DNAAF4: variants seen among roughly 807,000 people sequenced by gnomAD.
The protein encoded by DNAAF4 is dynein assembly factor 4, axonemal.
A neutral mutation model predicts 51.8 loss-of-function variants in DNAAF4; 43 were observed. The observed-to-expected ratio is 0.83, with a 90% CI of 0.65 to 1.07. The LOEUF (loss-of-function observed/expected upper bound fraction) is 1.07. Ranked by LOEUF, DNAAF4 falls within the 50% of genes least tolerant of loss-of-function variation. DNAAF4 has a pLI of 0.00. For synonymous variants in DNAAF4, 194 were observed against 165.6 expected (o/e 1.17, Z -1.32); for missense variants, 581 against 493.0 (o/e 1.18, Z -1.69).
rs2058702106 is a variant in DNAAF4, at chr15:55,502,009, C to T, written c.-255-3425G>A. On this transcript the variant is annotated intron_variant, in intron 1 of 9. Coordinates refer to ENST00000321149, the MANE Select transcript of DNAAF4 (RefSeq NM_130810.4). ...ATTGAGCCGAGATCATGCCACTGCA[C>T]TCCAGCCTAGGCAACAAGAGCAAGA... Among the ~76,000 whole-genome samples, 5 of 151,648 alleles carry T rather than the reference C, an allele frequency of 3.3e-5. No homozygotes were observed. In the South Asian group the frequency reaches 1.0e-3, roughly 32 times the overall value.
chr15:55,424,725 G>A (rs1033013942), intron 7 of DNAAF4, among the ~76,000 whole-genome samples: 1 of 152,054 alleles, frequency 6.6e-6, no homozygotes, highest in African/African-American at 2.4e-5. Flanking sequence ...ACCATGCCCA[G>A]CTAAGTTTTG....
At chr15:55,451,649 C>T (rs994646864) in intron 5 of DNAAF4, among the ~76,000 whole-genome samples, 2 of 151,172 alleles carry the variant, frequency 1.3e-5, no homozygotes, top group Admixed American at 6.6e-5. Flanking sequence ...GGGTTATTAC[C>T]GTCACCGAGG....
intron 3 of DNAAF4, among the ~76,000 whole-genome samples, chr15:55,493,623 T>C (rs574924371): frequency 1.3e-5 from 2 of 152,334 alleles, no homozygotes; most frequent in African/African-American, 4.8e-5. Context: ...AGTCTACGTG[T>C]ATAAACTGGA....
chr15:55,454,802 T>G (rs570862849), intron 5 of DNAAF4, among the ~76,000 whole-genome samples: 1 of 152,164 alleles, frequency 6.6e-6, no homozygotes, highest in Non-Finnish European at 1.5e-5. Flanking sequence ...AATATAAAAT[T>G]GAACTTATAC....
intron 4 of DNAAF4, among the ~76,000 whole-genome samples, chr15:55,480,848 G>A (rs960096368): frequency 6.6e-6 from 1 of 152,134 alleles, no homozygotes; most frequent in Non-Finnish European, 1.5e-5. Flanking sequence ...ATAAGGTTGG[G>A]CTCTGTATCC....
chr15:55,443,275 C>T, intron 6 of DNAAF4: 1 of 1,557,894 alleles, frequency 6.4e-7, no homozygotes, highest in Non-Finnish European at 8.8e-7. Context: ...TTGCGGCTCA[C>T]TACCCGGCAG....
chr15:55,490,723 A>C lies in DNAAF4; in HGVS notation c.405+400T>G, dbSNP rs137881700. On this transcript the variant is annotated intron_variant, in intron 4 of 9. Coordinates refer to ENST00000321149, the MANE Select transcript of DNAAF4 (RefSeq NM_130810.4). The stretch of plus-strand genomic sequence containing the variant: ...AATCCCAGCACTTTGGGAGGCCGAG[A>C]CGGGCAGATCACGAGGTCAGGAGAT... Among the ~76,000 whole-genome samples the C allele has an allele frequency of 7.8e-3, 1,193 of 152,152 alleles. 13 individuals carry two copies. The highest frequency in any genetic ancestry group is 0.028 in the African/African-American group (1,144 of 41,514).
chr15:55,455,413 T>TATATATATATATATATA (rs2058004968), intron 5 of DNAAF4, among the ~76,000 whole-genome samples: 4 of 141,740 alleles, frequency 2.8e-5, no homozygotes, highest in African/African-American at 7.8e-5. Context: ...TATATATATA[T>TATATATATATATATATA]TCAATCTAAA....
intron 6 of DNAAF4, among the ~76,000 whole-genome samples, chr15:55,447,915 T>C (rs187327494): frequency 0.043 from 6,343 of 146,006 alleles, 311 homozygotes; most frequent in South Asian, 0.078. Flanking sequence ...CCTGCCTGAC[T>C]GCCCTGGCCA....
intron 5 of DNAAF4, among the ~76,000 whole-genome samples, chr15:55,458,175 C>G (rs1005295923): frequency 1.3e-5 from 2 of 152,188 alleles, no homozygotes; most frequent in South Asian, 2.1e-4. Flanking sequence ...AGCAATGGAT[C>G]CAAACTAAGA....
rs116437953 is a variant in DNAAF4 at position 55,478,141 on chromosome 15, C to T, written c.406-10980G>A. On this transcript the variant is annotated intron_variant, in intron 4 of 9. Transcript: ENST00000321149. Reference sequence around the variant, plus strand: ...TGAGTAACTCTGGACACAACGGGTACACAAATTCAGTTTCTTTTTGATTCA... The same window carrying T: ...TGAGTAACTCTGGACACAACGGGTATACAAATTCAGTTTCTTTTTGATTCA... Among the ~76,000 whole-genome samples, 668 of 152,278 alleles carry T rather than the reference C, an allele frequency of 4.4e-3. 4 individuals carry two copies. Among genetic ancestry groups the T allele is most frequent in the African/African-American group, 0.015 (638 of 41,544 alleles).
chr15:55,498,938 AAG>A (rs2058676412), intron 1 of DNAAF4, among the ~76,000 whole-genome samples: 1 of 149,116 alleles, frequency 6.7e-6, no homozygotes, highest in Non-Finnish European at 1.5e-5. Context: ...AAGAAAAAGA[AAG>A]AAAGAAAAAA....
chr15:55,483,593 T>A (rs978220827), intron 4 of DNAAF4, among the ~76,000 whole-genome samples: 1 of 152,066 alleles, frequency 6.6e-6, no homozygotes, highest in Non-Finnish European at 1.5e-5. Flanking sequence ...CAGGCTGGAA[T>A]ACAGTGGCAC....
At position 55,459,749 on chromosome 15, in the gene DNAAF4, G is replaced by A. The variant is rs148083076; in HGVS notation, c.637+7181C>T. 7.3e-3 allele frequency among the ~76,000 whole-genome samples: 1,111 copies of A among 151,602 alleles called. 8 individuals carry two copies. The highest frequency in any genetic ancestry group is 0.011 in the Non-Finnish European group (747 of 67,914). On this transcript the variant is annotated intron_variant, in intron 5 of 9. Transcript: ENST00000321149. ...GACAGAGTCTCCTTCTGTTGCCCAG[G>A]CTGGAGTGTAGTGGTGCAATCTTGG...
At position 55,430,558 on chromosome 15, in the gene DNAAF4, A is replaced by G. The variant is rs1315091039; in HGVS notation, c.*112T>C. ...TTTATAATATTTTGCCCTCAACAGA[A>G]CTAAAGTACTAAACAGAAAGCGATT... On this transcript the variant is annotated 3_prime_UTR_variant, in exon 10 of 10. Coordinates refer to ENST00000321149, the MANE Select transcript of DNAAF4 (RefSeq NM_130810.4). The G allele has an allele frequency of 7.2e-7, 1 of 1,379,364 alleles. No individual in the cohort carries two copies. The highest frequency in any genetic ancestry group is 9.4e-7 in the Non-Finnish European group (1 of 1,065,186). 85.4% of individuals were successfully genotyped at this position (1,379,364 alleles called of 1,614,324 possible). A position where few individuals can be genotyped will look rare whatever the true frequency, so the allele number is the denominator to read the frequency against.
intron 5 of DNAAF4, among the ~76,000 whole-genome samples, chr15:55,463,449 GAGAA>G (rs1037833848): frequency 4.6e-5 from 7 of 152,192 alleles, no homozygotes; most frequent in African/African-American, 1.7e-4. Flanking sequence ...GATCAGACAA[GAGAA>G]AGAAAGAAAG....
intron 8 of DNAAF4, among the ~76,000 whole-genome samples, chr15:55,433,915 T>TATATTATA (rs1567000462): frequency 0.44 from 4,328 of 9,906 alleles, 472 homozygotes; most frequent in African/African-American, 0.47. Flanking sequence ...TATATATAAT[T>TATATTATA]ATATATATTA....
intron 6 of DNAAF4, among the ~76,000 whole-genome samples, chr15:55,445,637 G>C: frequency 6.6e-6 from 1 of 150,788 alleles, no homozygotes; most frequent in Admixed American, 6.6e-5. Flanking sequence ...GCCAGGCAGA[G>C]GCACTCCTCA....
At chr15:55,443,256 C>T in intron 6 of DNAAF4, 1 of 1,598,558 alleles carries the variant, frequency 6.3e-7, no homozygotes, top group Non-Finnish European at 8.6e-7. Flanking sequence ...AAAATGACCT[C>T]AGCGCGGGTT....
Sources: gnomAD v4.1 joint callset for allele counts (sites outside exome capture counted in the v4.1 genomes callset) on GRCh38, gnomAD v4.1.1 for gene constraint, MANE v1.5 for transcripts, NCBI Gene and HGNC (gene_info 2026-07-23, HGNC 2026-07-21) for gene names.